Variants in SULF2 observed in about 807,000 individuals in gnomAD.
SULF2 encodes sulfatase 2.
SULF2 carries 52 observed loss-of-function variants against 107.7 expected under a neutral mutation model. That is an observed-to-expected ratio of 0.48 (90% CI 0.39 to 0.61). The LOEUF is 0.61. SULF2 is among the 20% of genes least tolerant of loss of function. The probability of loss-of-function intolerance (pLI) is 0.00; values close to 1 mark genes in which losing one functional copy is unlikely to be tolerated. For missense variants in SULF2, 993 were observed against 1,177.3 expected (o/e 0.84, Z 2.29); for synonymous variants, 460 against 464.3 (o/e 0.99, Z 0.12).
At chr20:47,707,582 G>T (rs750661642) in intron 3 of SULF2, among the ~76,000 whole-genome samples, 5 of 152,156 alleles carry the variant, frequency 3.3e-5, no homozygotes, top group Admixed American at 6.5e-5. Context: ...ACCAGTGGCT[G>T]CCAGCTGACT....
At chr20:47,707,220 C>T (rs954786350) in intron 3 of SULF2, among the ~76,000 whole-genome samples, 20 of 152,114 alleles carry the variant, frequency 1.3e-4, no homozygotes, top group Non-Finnish European at 2.5e-4. Flanking sequence ...AACTCCTGAC[C>T]TCAGGTGATC....
At chr20:47,708,818 T>G (rs1425169243) in intron 3 of SULF2, among the ~76,000 whole-genome samples, 2 of 152,158 alleles carry the variant, frequency 1.3e-5, no homozygotes, top group Non-Finnish European at 2.9e-5. Flanking sequence ...GGGGTCCTCC[T>G]CCTGCCCATT....
Position 47,694,405 on chromosome 20 carries a change from CTG to C in SULF2, c.568-4112_568-4111del, listed in dbSNP as rs1297986252. Among the ~76,000 whole-genome samples, 1 of 152,206 alleles carries C rather than the reference CTG, an allele frequency of 6.6e-6. No homozygotes were observed. Among genetic ancestry groups the C allele is most frequent in the Non-Finnish European group, 1.5e-5 (1 of 68,020 alleles). On this transcript the variant is annotated intron_variant, in intron 4 of 20. Transcript: ENST00000688720. The surrounding 1 kb of genome is among the most constrained non-coding windows in gnomAD (Gnocchi z 4.4). The stretch of plus-strand genomic sequence containing the variant: ...AAGGCTGAGTTCAGAGATGGGCAAA[CTG>C]TGTTTGGGGTGCCCGGGTCAAGCCA...
Position 47,741,530 on chromosome 20 carries a change from G to GT in SULF2, c.176-4589dup, listed in dbSNP as rs138600341. Among the ~76,000 whole-genome samples, 1,291 of 152,254 alleles carry GT rather than the reference G, an allele frequency of 8.5e-3. 21 individuals are homozygous for GT. The highest frequency in any genetic ancestry group is 0.03 in the African/African-American group (1,233 of 41,524). On this transcript the variant is annotated intron_variant, in intron 2 of 20. Coordinates refer to ENST00000688720, the MANE Select transcript of SULF2 (RefSeq NM_001387048.1). ...CATCTAACACATGATATACTTTTAT[G>GT]TTTTTATCTACTGATCCCGTTTGCT...
chr20:47,684,392 G>A (rs563447207), intron 6 of SULF2, 39 bp downstream of exon 6: 18 of 1,564,648 alleles, frequency 1.2e-5, no homozygotes, highest in Admixed American at 7.4e-5. Flanking sequence ...CTGGGGGTTC[G>A]GAGCCACGCC....
At chr20:47,689,003 G>A (rs2088107822) in intron 5 of SULF2, among the ~76,000 whole-genome samples, 1 of 152,018 alleles carries the variant, frequency 6.6e-6, no homozygotes, top group Non-Finnish European at 1.5e-5. Context: ...AGAGAAGCAG[G>A]AGAACTTTCC....
intron 3 of SULF2, among the ~76,000 whole-genome samples, chr20:47,722,738 C>T (rs892948209): frequency 1.3e-4 from 20 of 152,042 alleles, no homozygotes; most frequent in African/African-American, 4.6e-4. Flanking sequence ...TCGAGACCAG[C>T]CTGGCCAATA....
At chr20:47,679,712 G>A (rs938370823) in intron 7 of SULF2, among the ~76,000 whole-genome samples, 4 of 152,172 alleles carry the variant, frequency 2.6e-5, no homozygotes, top group Non-Finnish European at 5.9e-5. Context: ...TTCAGCCTAA[G>A]CAGACGACCC....
At chr20:47,760,332 C>T (rs1327173832) in intron 1 of SULF2, among the ~76,000 whole-genome samples, 4 of 152,150 alleles carry the variant, frequency 2.6e-5, no homozygotes, top group African/African-American at 4.8e-5. Flanking sequence ...GTGGGAAGTC[C>T]GTGCATTTAT....
intron 7 of SULF2, among the ~76,000 whole-genome samples, chr20:47,679,475 T>C (rs563371011): frequency 2.0e-5 from 3 of 152,312 alleles, no homozygotes; most frequent in South Asian, 2.1e-4. Flanking sequence ...TGTTATGAGA[T>C]AGTCAACTAC....
chr20:47,674,893 G>C (rs73312186), intron 10 of SULF2, among the ~76,000 whole-genome samples: 5,430 of 152,250 alleles, frequency 0.036, 334 homozygotes, highest in African/African-American at 0.12. Context: ...ATGGGGGGCA[G>C]ACGTCTGAGC....
chr20:47,759,250 C>G (rs2090364201), intron 1 of SULF2, among the ~76,000 whole-genome samples: 1 of 152,184 alleles, frequency 6.6e-6, no homozygotes, highest in Non-Finnish European at 1.5e-5. Context: ...AAGATGCAAA[C>G]TTCTTGCCAG....
intron 3 of SULF2, among the ~76,000 whole-genome samples, chr20:47,708,456 G>A (rs987355410): frequency 4.6e-5 from 7 of 152,256 alleles, no homozygotes; most frequent in Admixed American, 2.0e-4. Flanking sequence ...GGCAGGGTTC[G>A]TACCGCTCCT....
intron 3 of SULF2, among the ~76,000 whole-genome samples, chr20:47,727,141 G>A (rs1167113039): frequency 6.6e-6 from 1 of 152,156 alleles, no homozygotes; most frequent in African/African-American, 2.4e-5. Flanking sequence ...TCAAGTCCTT[G>A]CCCAGGTACC....
chr20:47,737,764 T>G (rs1348804612), intron 2 of SULF2, among the ~76,000 whole-genome samples: 1 of 134,470 alleles, frequency 7.4e-6, no homozygotes, highest in Non-Finnish European at 1.6e-5. Flanking sequence ...TGTTTTTTTT[T>G]TTTTTTTTTT....
At chr20:47,747,010 T>C (rs1321874347) in intron 2 of SULF2, among the ~76,000 whole-genome samples, 8 of 132,306 alleles carry the variant, frequency 6.0e-5, no homozygotes, top group Non-Finnish European at 4.7e-5. Context: ...TATATATATA[T>C]ATATATATAC....
intron 3 of SULF2, among the ~76,000 whole-genome samples, chr20:47,712,518 C>T (rs899111673): frequency 2.0e-5 from 3 of 152,186 alleles, no homozygotes; most frequent in African/African-American, 7.2e-5. Flanking sequence ...ATTTCCCCAA[C>T]TAGGGTGTGG....
intron 3 of SULF2, among the ~76,000 whole-genome samples, chr20:47,713,946 C>G (rs2089019192): frequency 6.6e-6 from 1 of 151,952 alleles, no homozygotes; most frequent in African/African-American, 2.4e-5. Flanking sequence ...CAGTAATGAG[C>G]TTGGGGAGGA....
At chr20:47,747,364 C>G (rs2090067770) in intron 2 of SULF2, among the ~76,000 whole-genome samples, 1 of 152,128 alleles carries the variant, frequency 6.6e-6, no homozygotes, top group African/African-American at 2.4e-5. Flanking sequence ...AGAGACCATG[C>G]AGTTAATTTT....
Sources: allele counts gnomAD v4.1 joint callset (sites outside exome capture counted in the v4.1 genomes callset), GRCh38; gene constraint gnomAD v4.1.1; non-coding constraint Gnocchi (gnomAD v3.1); transcripts MANE v1.5; gene names NCBI Gene and HGNC (gene_info 2026-07-23, HGNC 2026-07-21).